The following NMNAT2 variants were observed in gnomAD, a reference collection of about 807,000 sequenced individuals.
The protein encoded by NMNAT2 is nicotinamide/nicotinic acid mononucleotide adenylyltransferase 2.
Under a neutral mutation model 41.6 loss-of-function variants are expected in NMNAT2, and 11 were observed. The observed-to-expected ratio is 0.26, with a 90% CI of 0.17 to 0.44. The LOEUF (loss-of-function observed/expected upper bound fraction) is 0.44, where lower values mean the gene tolerates loss of function less well. Ranked by LOEUF, NMNAT2 falls within the 20% of genes least tolerant of loss-of-function variation. The probability of loss-of-function intolerance (pLI) is 1.00; values close to 1 mark genes in which losing one functional copy is unlikely to be tolerated. For synonymous variants in NMNAT2, 148 were observed against 151.2 expected, an observed-to-expected ratio of 0.98 and a Z score of 0.16; for missense variants, 288 against 407.7, an observed-to-expected ratio of 0.71 and a Z score of 2.53.
intron 8 of NMNAT2, among the ~76,000 whole-genome samples, chr1:183,277,952 G>C (rs1454442290): frequency 6.6e-6 from 1 of 152,204 alleles, no homozygotes; most frequent in Non-Finnish European, 1.5e-5. Context: ...GAAGGAATAA[G>C]AACGAACGTA....
At chr1:183,293,910 C>G in intron 1 of NMNAT2, 117 bp from the exon 2 acceptor site, 1 of 713,082 alleles carries the variant, frequency 1.4e-6, no homozygotes, top group Non-Finnish European at 2.4e-6. Context: ...TCTCTCTTGC[C>G]ATTTAAATAG....
intron 1 of NMNAT2, among the ~76,000 whole-genome samples, chr1:183,393,466 C>G (rs1415745545): frequency 6.7e-6 from 1 of 149,778 alleles, no homozygotes; most frequent in African/African-American, 2.4e-5. Context: ...GGCTGCTACA[C>G]AGTTGGCTTT....
At chr1:183,327,594 G>A (rs1314881378) in intron 1 of NMNAT2, among the ~76,000 whole-genome samples, 1 of 152,206 alleles carries the variant, frequency 6.6e-6, no homozygotes, top group African/African-American at 2.4e-5. Context: ...ACAGACATCA[G>A]TATGTCCCAG....
chr1:183,310,624 T>G (rs1662092943), intron 1 of NMNAT2, among the ~76,000 whole-genome samples: 1 of 152,300 alleles, frequency 6.6e-6, no homozygotes, highest in African/African-American at 2.4e-5. Context: ...GTCACAATTG[T>G]AAGAAGAAAG....
At chr1:183,346,299 G>T (rs951727834) in intron 1 of NMNAT2, among the ~76,000 whole-genome samples, 1 of 152,068 alleles carries the variant, frequency 6.6e-6, no homozygotes, top group African/African-American at 2.4e-5. Context: ...ACCTTTACTT[G>T]CCTTTCCTCC....
At chr1:183,399,225 G>A (rs1476948318) in intron 1 of NMNAT2, among the ~76,000 whole-genome samples, 4 of 130,952 alleles carry the variant, frequency 3.1e-5, no homozygotes, top group Non-Finnish European at 7.2e-5. Flanking sequence ...AATGATAAAG[G>A]GGATATCACC....
chr1:183,418,201 C>A lies in NMNAT2; in HGVS notation c.67G>T (p.Gly23Trp). Residue 23 changes from glycine (G) to tryptophan (W), a missense_variant, in exon 1 of 11, where the codon GGG (glycine) becomes TGG (tryptophan). This residue lies in a region of NMNAT2 where 100 missense variants were observed against 168.5 expected (regional missense o/e 0.59). Coordinates refer to ENST00000287713, the MANE Select transcript of NMNAT2 (RefSeq NM_015039.4). Reference protein sequence around the residue: ...ACGSFNPITKGHIQMFERARD... With the variant: ...ACGSFNPITKWHIQMFERARD... The stretch of plus-strand genomic sequence containing the variant: ...GACTCACCAAACATCTGAATGTGCC[C>A]TTTGGTGATGGGATTGAAGCTGCCG... The A allele has an allele frequency of 6.2e-7, 1 of 1,613,956 alleles. No homozygotes were observed.
At chr1:183,260,048 C>A (rs1348878316) in intron 10 of NMNAT2, among the ~76,000 whole-genome samples, 1 of 152,210 alleles carries the variant, frequency 6.6e-6, no homozygotes, top group Admixed American at 6.5e-5. Flanking sequence ...CCCTAATACC[C>A]ATTCTTTCCT....
At chr1:183,353,363 C>T (rs573758425) in intron 1 of NMNAT2, among the ~76,000 whole-genome samples, 26 of 152,232 alleles carry the variant, frequency 1.7e-4, no homozygotes, top group South Asian at 4.2e-4. Context: ...GAGATCTTTC[C>T]GAAACAGTCA....
intron 1 of NMNAT2, among the ~76,000 whole-genome samples, chr1:183,336,005 T>G (rs1662672567): frequency 6.6e-6 from 1 of 152,230 alleles, no homozygotes; most frequent in South Asian, 2.1e-4. Flanking sequence ...AACTCATTTC[T>G]GTGAGAAACT....
intron 1 of NMNAT2, chr1:183,304,672 G>A (rs200712931): frequency 2.5e-5 from 40 of 1,613,716 alleles, no homozygotes; most frequent in Non-Finnish European, 3.4e-5. Context: ...GAACTCACCT[G>A]AGAGAGTAAC....
intron 1 of NMNAT2, among the ~76,000 whole-genome samples, chr1:183,386,483 A>G (rs998167672): frequency 2.0e-5 from 3 of 152,218 alleles, no homozygotes; most frequent in African/African-American, 7.2e-5. Context: ...ACATCTTATG[A>G]AACTGATAAA....
At chr1:183,305,828 CT>C (rs1160729047) in intron 1 of NMNAT2, among the ~76,000 whole-genome samples, 2 of 148,032 alleles carry the variant, frequency 1.4e-5, no homozygotes, top group East Asian at 4.1e-4. Flanking sequence ...TCAAGTGATT[CT>C]CCCGCCTTAG....
intron 1 of NMNAT2, among the ~76,000 whole-genome samples, chr1:183,333,395 T>C (rs546596107): frequency 3.3e-4 from 51 of 152,332 alleles, no homozygotes; most frequent in African/African-American, 1.2e-3. Flanking sequence ...ACAGATGTGA[T>C]TCAGTTAAGG....
At chr1:183,404,823 G>T (rs923823313) in intron 1 of NMNAT2, among the ~76,000 whole-genome samples, 4 of 152,184 alleles carry the variant, frequency 2.6e-5, no homozygotes, top group African/African-American at 9.7e-5. Context: ...TACCAACCCT[G>T]TCTGCAACCC....
intron 1 of NMNAT2, among the ~76,000 whole-genome samples, chr1:183,375,776 G>T (rs530001240): frequency 9.4e-5 from 13 of 137,956 alleles, no homozygotes; most frequent in Non-Finnish European, 2.1e-4. Flanking sequence ...ACTAAGTCCA[G>T]AACAAAGCCT....
intron 1 of NMNAT2, among the ~76,000 whole-genome samples, chr1:183,372,570 C>A (rs1456444299): frequency 1.3e-5 from 2 of 152,304 alleles, no homozygotes; most frequent in Middle Eastern, 6.8e-3. Context: ...TAATAGATCC[C>A]AATGTTCAAT....
At chr1:183,292,350 G>A (rs1269741830) in intron 3 of NMNAT2, among the ~76,000 whole-genome samples, 1 of 152,212 alleles carries the variant, frequency 6.6e-6, no homozygotes, top group African/African-American at 2.4e-5. Context: ...GTCTCCTGGG[G>A]CCAGTGTGGG....
intron 1 of NMNAT2, among the ~76,000 whole-genome samples, chr1:183,329,166 C>T (rs1053627676): frequency 6.6e-6 from 1 of 152,166 alleles, no homozygotes; most frequent in African/African-American, 2.4e-5. Context: ...TTTCTATCCC[C>T]CTACCAGCAT....
Sources: gnomAD v4.1 joint callset for allele counts (sites outside exome capture counted in the v4.1 genomes callset) on GRCh38, gnomAD v4.1.1 for gene constraint, gnomAD v4.1.1 regional missense constraint, MANE v1.5 for transcripts, NCBI Gene and HGNC (gene_info 2026-07-23, HGNC 2026-07-21) for gene names.